BICRA: variants seen among roughly 807,000 people sequenced by gnomAD.
The protein encoded by BICRA is BRD4-interacting chromatin-remodeling complex-associated protein.
Under a neutral mutation model 96.9 loss-of-function variants are expected in BICRA, and 31 were observed. The ratio of observed to expected loss-of-function variants is 0.32; its 90% CI spans 0.24 to 0.43. BICRA has a LOEUF of 0.43. BICRA is among the 20% of genes least tolerant of loss of function. The probability of loss-of-function intolerance (pLI) is 1.00; values close to 1 mark genes in which losing one functional copy is unlikely to be tolerated. For missense variants in BICRA, 2,283 were observed against 2,190.3 expected (o/e 1.04, Z -0.84); for synonymous variants, 1,350 against 1,071.8 (o/e 1.26, Z -5.07).
At chr19:47,615,622 G>A (rs895916760) in intron 1 of BICRA, 4 of 152,194 alleles carry the variant, frequency 2.6e-5, no homozygotes, top group African/African-American at 9.7e-5. Context: ...TAAGGCTCTT[G>A]TGAGGGTCCC....
intron 1 of BICRA, among the ~76,000 whole-genome samples, chr19:47,656,433 T>C (rs1021931411): frequency 6.6e-6 from 1 of 152,196 alleles, no homozygotes; most frequent in Non-Finnish European, 1.5e-5. Flanking sequence ...GGTTTTATAT[T>C]GGTTGGTGAA....
Position 47,694,616 on chromosome 19 carries a change from G to A in BICRA, c.2785G>A (p.Val929Ile), listed in dbSNP as rs780940629. ...CACTCCCCCTCCAACCCTCCACCTGGTCCCTGAGCCGGCAGCACCCCCCCC... is the reference window on the plus strand; with the variant it reads ...CACTCCCCCTCCAACCCTCCACCTGATCCCTGAGCCGGCAGCACCCCCCCC... ...SPTPPPTLHL[V>I]PEPAAPPPPP... is the part of the protein sequence containing the mutation. The change falls in exon 8 of 15, where the codon GTC becomes ATC. Residue 929 changes from valine (V) to isoleucine (I), a missense_variant. Transcript: ENST00000594866. 21 of 1,564,570 alleles carry A rather than the reference G, an allele frequency of 1.3e-5. No homozygotes were observed. Among genetic ancestry groups the A allele is most frequent in the Non-Finnish European group, 2.6e-6 (3 of 1,138,450 alleles).
intron 1 of BICRA, among the ~76,000 whole-genome samples, chr19:47,669,113 T>TAAATA (rs772359104): frequency 7.9e-5 from 12 of 151,260 alleles, no homozygotes; most frequent in Non-Finnish European, 1.2e-4. Flanking sequence ...CACAAAAAAA[T>TAAATA]AAATAAAATA....
At chr19:47,631,902 C>T (rs901732591) in intron 1 of BICRA, among the ~76,000 whole-genome samples, 15 of 152,182 alleles carry the variant, frequency 9.9e-5, no homozygotes, top group African/African-American at 2.4e-4. Context: ...ACCCGCTTCA[C>T]CCTCCCAAAG....
intron 1 of BICRA, among the ~76,000 whole-genome samples, chr19:47,658,631 CAAAA>C (rs3074083): frequency 6.2e-5 from 6 of 97,424 alleles, no homozygotes; most frequent in Admixed American, 4.3e-4. Context: ...GACTTCGTCT[CAAAA>C]AAAAAAAAAA....
rs1973442587 is a variant in BICRA at position 47,701,446 on chromosome 19, C to T, written c.3714C>T (p.Pro1238=). Reference sequence around the variant, plus strand: ...CAGCTCCCGGGGCCTCCACCCAGCCCCCTCCACACCTGCCCACCAAGCTTG... The same window carrying T: ...CAGCTCCCGGGGCCTCCACCCAGCCTCCTCCACACCTGCCCACCAAGCTTG... ...SSSAPGASTQ[P]PPHLPTKLVI... The change falls in exon 15 of 15, where the codon CCC becomes CCT. Residue 1238 remains proline (P), a synonymous_variant. Coordinates refer to ENST00000594866, the MANE Select transcript of BICRA (RefSeq NM_001394372.1). The surrounding 1 kb of genome is among the most constrained non-coding windows in gnomAD (Gnocchi z 5.4). The T allele has an allele frequency of 6.4e-7, 1 of 1,570,934 alleles. No individual in the cohort carries two copies. Among genetic ancestry groups the T allele is most frequent in the Non-Finnish European group, 8.6e-7 (1 of 1,159,282 alleles).
rs546011662 is a variant in BICRA, at chr19:47,611,509, G to A, written c.-108+2341G>A. ...CTTCTCTACCTGAGCGGGGGACTTG[G>A]CCCCATTTGCTGCTACTCAGCCCTG... On this transcript the variant is annotated intron_variant, in intron 1 of 14. Transcript: ENST00000594866. 3.3e-5 allele frequency among the ~76,000 whole-genome samples: 5 copies of A among 152,290 alleles called. No individual in the cohort carries two copies. In the East Asian group the frequency reaches 9.6e-4, roughly 29 times the overall value.
chr19:47,680,740 C>T lies in BICRA; in HGVS notation c.1570C>T (p.Leu524=), dbSNP rs1233288846. ...ILTNQNLAGP[L]SLGPVLAPHS... ...CACAAACCAGAACCTGGCGGGCCCA[C>T]TGAGCCTGGGCCCCGTGTTGGCCCC... Residue 524 remains leucine, a synonymous_variant, in exon 6 of 15, where the codon CTG becomes TTG. Transcript: ENST00000594866. 3 of 1,607,012 alleles carry T rather than the reference C, an allele frequency of 1.9e-6. No homozygotes were observed. Among genetic ancestry groups the T allele is most frequent in the Non-Finnish European group, 2.5e-6 (3 of 1,177,402 alleles).
At chr19:47,686,122 G>A (rs768212944) in intron 7 of BICRA, among the ~76,000 whole-genome samples, 9 of 151,900 alleles carry the variant, frequency 5.9e-5, no homozygotes, top group East Asian at 3.9e-4. Context: ...GTAGAGACAG[G>A]TTTTCTCCAT....
chr19:47,698,762 C>T lies in BICRA; in HGVS notation c.3377C>T (p.Ser1126Phe), dbSNP rs1274969703. 6.2e-7 allele frequency: 1 copy of T among 1,606,772 alleles called. No individual in the cohort carries two copies. The highest frequency in any genetic ancestry group is 1.3e-5 in the African/African-American group (1 of 74,768). ...CATGTCTACCAGGGCGCCCTCCCCT[C>T]CCCCAGTGACTACCACAAAGGTGAG... ...PYHVYQGALP[S>F]PSDYHKVDEE... is the part of the protein sequence containing the mutation. The change falls in exon 12 of 15, where the codon TCC becomes TTC. Residue 1126 changes from serine to phenylalanine, a missense_variant. Ser to Phe is a radical substitution (Grantham distance 155). Transcript: ENST00000594866. This position sits in a 1 kb window ranked among gnomAD's most constrained non-coding sequence, Gnocchi z 4.8.
chr19:47,698,912 ATCCGCGGCCG>A lies in BICRA; in HGVS notation c.3398-52_3398-43del. 11 of 1,426,214 alleles carry A rather than the reference ATCCGCGGCCG, an allele frequency of 7.7e-6. No individual in the cohort carries two copies. Among genetic ancestry groups the A allele is most frequent in the Non-Finnish European group, 1.1e-5 (11 of 1,031,498 alleles). The allele number at this position is 1,426,214 out of a possible 1,614,324, so 88.3% of individuals were successfully genotyped here. A position where few individuals can be genotyped will look rare whatever the true frequency, so the allele number is the denominator to read the frequency against. The stretch of plus-strand genomic sequence containing the variant: ...CCCTGCCCCGCCCTCCTTCCTGCGC[ATCCGCGGCCG>A]CCCCCAACATCTCCGCCCTTGCCTC... On this transcript the variant is annotated intron_variant, in intron 12 of 14. Transcript: ENST00000594866. This position sits in a 1 kb window ranked among gnomAD's most constrained non-coding sequence, Gnocchi z 4.8.
At chr19:47,634,399 G>A (rs1972267439) in intron 1 of BICRA, among the ~76,000 whole-genome samples, 1 of 152,206 alleles carries the variant, frequency 6.6e-6, no homozygotes, top group Non-Finnish European at 1.5e-5. Flanking sequence ...GAACCAGGAA[G>A]GAGGCCGAGC....
intron 1 of BICRA, among the ~76,000 whole-genome samples, chr19:47,647,656 C>G (rs1052652774): frequency 6.6e-6 from 1 of 152,092 alleles, no homozygotes; most frequent in Non-Finnish European, 1.5e-5. Flanking sequence ...CTTGTAGAAT[C>G]CTCCTTCCCG....
intron 1 of BICRA, among the ~76,000 whole-genome samples, chr19:47,643,946 G>A (rs921794398): frequency 3.9e-5 from 6 of 152,202 alleles, no homozygotes; most frequent in Non-Finnish European, 8.8e-5. Flanking sequence ...GAAGTAACTT[G>A]CTTCAGGTTG....
At chr19:47,688,131 C>A (rs1238207614) in intron 7 of BICRA, among the ~76,000 whole-genome samples, 1 of 151,984 alleles carries the variant, frequency 6.6e-6, no homozygotes, top group African/African-American at 2.4e-5. Flanking sequence ...CTCTCGAAAT[C>A]TCTTGGAAGC....
rs1973464311 is a variant in BICRA at position 47,702,021 on chromosome 19, G to A, written c.4289G>A (p.Arg1430His). 1 of 1,489,264 alleles carries A rather than the reference G, an allele frequency of 6.7e-7. No homozygotes were observed. Among genetic ancestry groups the A allele is most frequent in the Non-Finnish European group, 8.9e-7 (1 of 1,128,544 alleles). The allele number at this position is 1,489,264 out of a possible 1,614,324, so 92.3% of individuals were successfully genotyped here. A position where few individuals can be genotyped will look rare whatever the true frequency, so the allele number is the denominator to read the frequency against. Reference protein sequence around the residue: ...KVDEATSGLIRELAAVEDELY... With the variant: ...KVDEATSGLIHELAAVEDELY... The stretch of plus-strand genomic sequence containing the variant: ...GACGAGGCCACCAGCGGGCTCATCC[G>A]CGAGCTGGCGGCCGTGGAGGACGAG... The change falls in exon 15 of 15, where the codon CGC (arginine) becomes CAC (histidine). Residue 1430 changes from arginine to histidine, a missense_variant. Physicochemically the swap from Arg to His is conservative, Grantham distance 29. Coordinates refer to ENST00000594866, the MANE Select transcript of BICRA (RefSeq NM_001394372.1).
chr19:47,687,361 C>T (rs958342591), intron 7 of BICRA, among the ~76,000 whole-genome samples: 4 of 152,006 alleles, frequency 2.6e-5, no homozygotes, highest in African/African-American at 9.7e-5. Flanking sequence ...TTATTCTTGG[C>T]TTGTGGGCTA....
upstream of BICRA, among the ~76,000 whole-genome samples, chr19:47,608,606 G>C (rs1302520578): frequency 1.3e-5 from 2 of 152,076 alleles, no homozygotes; most frequent in East Asian, 1.9e-4. Context: ...TCCGGATCAG[G>C]GCTCGAGGCA....
chr19:47,620,794 G>A (rs1041243305), intron 1 of BICRA, among the ~76,000 whole-genome samples: 6 of 151,760 alleles, frequency 4.0e-5, no homozygotes, highest in East Asian at 1.9e-4. Context: ...GATGAGTGGC[G>A]TCCAGGAAAC....
Sources: allele counts gnomAD v4.1 joint callset (sites outside exome capture counted in the v4.1 genomes callset), GRCh38; gene constraint gnomAD v4.1.1; non-coding constraint Gnocchi (gnomAD v3.1); transcripts MANE v1.5; gene names NCBI Gene and HGNC (gene_info 2026-07-23, HGNC 2026-07-21).